The following TMEM108 variants were observed in gnomAD, a reference collection of about 807,000 sequenced individuals.
TMEM108 encodes the protein cancer/testis antigen 124.
A neutral mutation model predicts 35.1 loss-of-function variants in TMEM108; 12 were observed. The observed-to-expected ratio is 0.34, with a 90% CI of 0.22 to 0.55. The LOEUF is 0.55. Among genes scored for constraint, TMEM108 ranks in the 20% least tolerant of loss-of-function variants. The probability of loss-of-function intolerance (pLI) is 0.89; values close to 1 mark genes in which losing one functional copy is unlikely to be tolerated. For missense variants in TMEM108, 680 were observed against 753.3 expected (o/e 0.90, Z 1.14); for synonymous variants, 287 against 308.6 (o/e 0.93, Z 0.73).
chr3:133,079,783 G>C (rs1357018), intron 2 of TMEM108, among the ~76,000 whole-genome samples: 9 of 151,954 alleles, frequency 5.9e-5, no homozygotes, highest in Non-Finnish European at 1.0e-4. Context: ...GGACAGGCAC[G>C]AAGCTTGAAA....
intron 3 of TMEM108, among the ~76,000 whole-genome samples, chr3:133,317,052 C>A (rs570330888): frequency 1.3e-5 from 2 of 149,374 alleles, no homozygotes; most frequent in South Asian, 4.3e-4. Context: ...TTTGTAGATA[C>A]CTTTGTGCTT....
At chr3:133,351,095 AC>A (rs1223891323) in intron 3 of TMEM108, among the ~76,000 whole-genome samples, 2 of 152,154 alleles carry the variant, frequency 1.3e-5, no homozygotes, top group African/African-American at 4.8e-5. Flanking sequence ...GGAGAAGAAA[AC>A]AGTACAAAAA....
rs528468889 is a variant in TMEM108 at position 133,321,238 on chromosome 3, T to C, written c.41-58514T>C. On this transcript the variant is annotated intron_variant, in intron 3 of 5. Transcript: ENST00000321871. Reference sequence around the variant, plus strand: ...TAGAGAATGGCAGAATAGATAAAAATCCACCAACCAAGTATGTGCTGTCTT... The same window carrying C: ...TAGAGAATGGCAGAATAGATAAAAACCCACCAACCAAGTATGTGCTGTCTT... 1.5e-4 allele frequency among the ~76,000 whole-genome samples: 23 copies of C among 152,162 alleles called. No individual in the cohort carries two copies. The South Asian group carries it at 4.8e-3, about 32-fold the overall frequency.
At position 133,396,055 on chromosome 3, in the gene TMEM108, TTATAAA is replaced by T. The variant is rs2073302734; in HGVS notation, c.*75_*80del. ...AATTATAAATATACAAATACATATA[TTATAAA>T]TATAACCTTTGTGTAACCCTGACTT... is the stretch of plus-strand genomic sequence containing the variant. On this transcript the variant is annotated 3_prime_UTR_variant, in exon 6 of 6. Coordinates refer to ENST00000321871, the MANE Select transcript of TMEM108 (RefSeq NM_023943.4). 1.8e-6 allele frequency: 2 copies of T among 1,102,210 alleles called. No homozygotes were observed. The highest frequency in any genetic ancestry group is 3.3e-5 in the African/African-American group (2 of 60,434). 68.3% of individuals were successfully genotyped at this position (1,102,210 alleles called of 1,614,324 possible).
chr3:133,227,979 A>G (rs1006045852), intron 2 of TMEM108, among the ~76,000 whole-genome samples: 4 of 152,230 alleles, frequency 2.6e-5, no homozygotes, highest in Non-Finnish European at 4.4e-5. Flanking sequence ...AATGTCCAGA[A>G]TAGCCAAATC....
chr3:133,350,889 A>T (rs2071975860), intron 3 of TMEM108, among the ~76,000 whole-genome samples: 1 of 152,140 alleles, frequency 6.6e-6, no homozygotes, highest in African/African-American at 2.4e-5. Context: ...GCAAAGTATC[A>T]GTAACCAGAG....
rs775133175 is a variant in TMEM108, at chr3:133,380,711, TCTTGGCTTA to T, written c.1003_1011del (p.Trp335_Thr337del). On this transcript the variant is annotated inframe_deletion, in exon 4 of 6. Coordinates refer to ENST00000321871, the MANE Select transcript of TMEM108 (RefSeq NM_023943.4). This position sits in a 1 kb window ranked among gnomAD's most constrained non-coding sequence, Gnocchi z 5.3. ...ACAGGATGGCCCCAGCCATAGTGAC[TCTTGGCTTA>T]CTGTTACCCCTGGCACCAGCAGACC... is the stretch of plus-strand genomic sequence containing the variant. 7.4e-6 allele frequency: 12 copies of T among 1,614,012 alleles called. No homozygotes were observed. The highest frequency in any genetic ancestry group is 1.0e-5 in the Non-Finnish European group (12 of 1,180,016).
intron 3 of TMEM108, among the ~76,000 whole-genome samples, chr3:133,241,067 T>C (rs572995372): frequency 5.3e-5 from 8 of 151,630 alleles, no homozygotes; most frequent in African/African-American, 1.7e-4. Context: ...CTGTCGTCTT[T>C]GTTAAAATCT....
chr3:133,204,530 A>G (rs912418618), intron 2 of TMEM108, among the ~76,000 whole-genome samples: 2 of 151,986 alleles, frequency 1.3e-5, no homozygotes, highest in Non-Finnish European at 2.9e-5. Context: ...CAAAGAATTT[A>G]TTTATTTCTA....
intron 2 of TMEM108, among the ~76,000 whole-genome samples, chr3:133,182,555 A>G (rs1945362691): frequency 6.6e-6 from 1 of 152,170 alleles, no homozygotes; most frequent in Admixed American, 6.5e-5. Flanking sequence ...TTGAAGGTTC[A>G]TGATAAGGCA....
chr3:133,077,516 A>C (rs1943757167), intron 2 of TMEM108, among the ~76,000 whole-genome samples: 1 of 152,106 alleles, frequency 6.6e-6, no homozygotes, highest in Non-Finnish European at 1.5e-5. Flanking sequence ...TGCTCTCCCC[A>C]CTTTGTTCTT....
intron 2 of TMEM108, among the ~76,000 whole-genome samples, chr3:133,153,453 C>T (rs554591960): frequency 3.3e-5 from 5 of 152,252 alleles, no homozygotes; most frequent in Non-Finnish European, 7.4e-5. Flanking sequence ...GAAATAAGTA[C>T]TGTTATTATC....
intron 3 of TMEM108, among the ~76,000 whole-genome samples, chr3:133,333,523 C>T (rs1239653690): frequency 3.3e-5 from 5 of 152,022 alleles, no homozygotes; most frequent in Non-Finnish European, 7.4e-5. Flanking sequence ...ATGTGTGAAT[C>T]AAAAGTAGAG....
chr3:133,188,772 AATTT>A (rs1559862198), intron 2 of TMEM108, among the ~76,000 whole-genome samples: 1 of 152,172 alleles, frequency 6.6e-6, no homozygotes, highest in Non-Finnish European at 1.5e-5. Flanking sequence ...ACATAATAAA[AATTT>A]ATTTATTGTT....
At chr3:133,231,150 C>G (rs965044210) in intron 3 of TMEM108, among the ~76,000 whole-genome samples, 1 of 152,014 alleles carries the variant, frequency 6.6e-6, no homozygotes, top group Admixed American at 6.6e-5. Context: ...TAGTCTGTGT[C>G]TAAAATAGAC....
chr3:133,139,756 A>T (rs745712261), intron 2 of TMEM108, among the ~76,000 whole-genome samples: 5 of 152,168 alleles, frequency 3.3e-5, no homozygotes, highest in Non-Finnish European at 5.9e-5. Flanking sequence ...GCTCGTTCCA[A>T]CCAGTATCAA....
chr3:133,382,569 CTCTT>C (rs1186356285), intron 4 of TMEM108, among the ~76,000 whole-genome samples: 2 of 152,196 alleles, frequency 1.3e-5, no homozygotes, highest in Non-Finnish European at 2.9e-5. Flanking sequence ...CGATGGTGGA[CTCTT>C]TCTTTAGTAG....
At chr3:133,375,602 C>T (rs1263255741) in intron 3 of TMEM108, among the ~76,000 whole-genome samples, 4 of 152,128 alleles carry the variant, frequency 2.6e-5, no homozygotes, top group African/African-American at 9.7e-5. Context: ...GGTTGAAGGC[C>T]TCAGATGTTT....
chr3:133,327,338 G>A (rs1319233113), intron 3 of TMEM108, among the ~76,000 whole-genome samples: 1 of 152,166 alleles, frequency 6.6e-6, no homozygotes, highest in Non-Finnish European at 1.5e-5. Flanking sequence ...TCCCTGGCCT[G>A]GGCCTCATGG....
Sources: allele counts gnomAD v4.1 joint callset (sites outside exome capture counted in the v4.1 genomes callset), GRCh38; gene constraint gnomAD v4.1.1; non-coding constraint Gnocchi (gnomAD v3.1); transcripts MANE v1.5; gene names NCBI Gene and HGNC (gene_info 2026-07-23, HGNC 2026-07-21).